The following AS3MT variants were observed in gnomAD, a reference collection of about 807,000 sequenced individuals.
The protein encoded by AS3MT is arsenite methyltransferase.
In AS3MT, 47 loss-of-function variants were observed where a neutral mutation model predicts 45.3. The observed-to-expected ratio is 1.04, with a 90% CI of 0.82 to 1.32. AS3MT has a LOEUF of 1.32. AS3MT is among the 40% of genes most tolerant of loss of function. The pLI, the probability that AS3MT is intolerant of heterozygous loss-of-function variation, is 0.00. For missense variants in AS3MT, 396 were observed against 451.1 expected (o/e 0.88, Z 1.11); for synonymous variants, 141 against 152.8 (o/e 0.92, Z 0.57).
chr10:102,888,452 G>C (rs1276765618), intron 9 of AS3MT, among the ~76,000 whole-genome samples: 1 of 150,454 alleles, frequency 6.6e-6, no homozygotes, highest in Non-Finnish European at 1.5e-5. Flanking sequence ...ATGGAGTTTT[G>C]CTTTTTTTGC....
At chr10:102,877,577 A>G (rs995802061) in intron 7 of AS3MT, among the ~76,000 whole-genome samples, 1 of 144,496 alleles carries the variant, frequency 6.9e-6, no homozygotes, top group African/African-American at 2.5e-5. Flanking sequence ...AAAAAAAAAA[A>G]GAAAAAATTA....
At chr10:102,896,295 T>C (rs1421974251) in intron 10 of AS3MT, among the ~76,000 whole-genome samples, 1 of 144,956 alleles carries the variant, frequency 6.9e-6, no homozygotes, top group African/African-American at 2.6e-5. Context: ...ATCACAACAC[T>C]GTACCCCAGC....
chr10:102,893,035 T>C (rs1321257961), intron 10 of AS3MT, among the ~76,000 whole-genome samples: 3 of 138,586 alleles, frequency 2.2e-5, no homozygotes, highest in Admixed American at 7.3e-5. Flanking sequence ...TAAATAATTT[T>C]AGAACAAATT....
At chr10:102,897,666 G>A (rs1033593695) in intron 10 of AS3MT, among the ~76,000 whole-genome samples, 45 of 152,082 alleles carry the variant, frequency 3.0e-4, no homozygotes, top group African/African-American at 9.6e-4. Context: ...GGGTTTCACC[G>A]GGTTGCCCAG....
At chr10:102,888,869 ATATATATATATATTTT>A (rs1845005692) in intron 9 of AS3MT, among the ~76,000 whole-genome samples, 2 of 88,630 alleles carry the variant, frequency 2.3e-5, no homozygotes, top group Non-Finnish European at 4.6e-5. Context: ...ATATATATAT[ATATATATATATATTTT>A]TTTTTTTTTT....
rs1326666544 is a variant in AS3MT at position 102,900,651 on chromosome 10, G to A, written c.1079G>A (p.Cys360Tyr). ...GAGTCTGACAGTATGAAGTCCAGAT[G>A]TGTCCCTGATGCTGCTGGAGGCTGC... ...AEESDSMKSR[C>Y]VPDAAGGCCG... The change falls in exon 11 of 11, where the codon TGT becomes TAT. Residue 360 changes from cysteine (C) to tyrosine (Y), a missense_variant. Cys to Tyr is a radical substitution (Grantham distance 194). Coordinates refer to ENST00000369880, the MANE Select transcript of AS3MT (RefSeq NM_020682.4). 3 of 1,614,060 alleles carry A rather than the reference G, an allele frequency of 1.9e-6. No individual in the cohort carries two copies. Among genetic ancestry groups the A allele is most frequent in the African/African-American group, 1.3e-5 (1 of 74,928 alleles).
intron 9 of AS3MT, among the ~76,000 whole-genome samples, chr10:102,882,618 C>T (rs1426233875): frequency 2.0e-5 from 3 of 152,016 alleles, no homozygotes; most frequent in Non-Finnish European, 1.5e-5. Context: ...GAGATGGAGT[C>T]TTGCTCTGTT....
chr10:102,879,121 A>G, intron 9 of AS3MT, 130 bp downstream of exon 9: 1 of 1,030,862 alleles, frequency 9.7e-7, no homozygotes, highest in Non-Finnish European at 1.4e-6. Flanking sequence ...GTTTAAATGT[A>G]TGTGTGTGTT....
chr10:102,878,790 G>A, intron 8 of AS3MT, 59 bp from the exon 9 acceptor site: 1 of 1,578,462 alleles, frequency 6.3e-7, no homozygotes, highest in Non-Finnish European at 8.6e-7. Context: ...CTTGTCTGCT[G>A]AGCAAGGCAA....
chr10:102,884,858 T>A (rs971468745), intron 9 of AS3MT, among the ~76,000 whole-genome samples: 2 of 152,194 alleles, frequency 1.3e-5, no homozygotes, highest in Non-Finnish European at 2.9e-5. Context: ...AACATTTTTT[T>A]AATGCATAAT....
chr10:102,870,908 CG>C (rs1844669251), intron 3 of AS3MT, among the ~76,000 whole-genome samples: 1 of 152,172 alleles, frequency 6.6e-6, no homozygotes, highest in Non-Finnish European at 1.5e-5. Context: ...CCGTAAATCA[CG>C]GGAAGTGTTT....
chr10:102,889,758 C>T (rs932796766), intron 9 of AS3MT, among the ~76,000 whole-genome samples: 1 of 151,710 alleles, frequency 6.6e-6, no homozygotes, highest in African/African-American at 2.4e-5. Flanking sequence ...TCACTACAAC[C>T]TCCGCCTCCT....
At position 102,872,436 on chromosome 10, in the gene AS3MT, T is replaced by C. The variant is rs371442321; in HGVS notation, c.171-12T>C. The stretch of plus-strand genomic sequence containing the variant: ...GTCTCCAGGGAAAAAATATGTGTTT[T>C]CCATTTCCCAGATATTATGGCTGTG... On this transcript the variant is annotated splice_polypyrimidine_tract_variant and intron_variant, in intron 3 of 10. Coordinates refer to ENST00000369880, the MANE Select transcript of AS3MT (RefSeq NM_020682.4). 3.1e-6 allele frequency: 5 copies of C among 1,613,140 alleles called. No homozygotes were observed. The African/African-American group carries it at 6.7e-5, about 22-fold the overall frequency.
intron 9 of AS3MT, among the ~76,000 whole-genome samples, chr10:102,883,570 G>A (rs1039489674): frequency 6.6e-6 from 1 of 151,830 alleles, no homozygotes; most frequent in Non-Finnish European, 1.5e-5. Flanking sequence ...AAAATTAGCC[G>A]GGCGTGGTGG....
chr10:102,891,165 CCA>C (rs1235392063), intron 10 of AS3MT, among the ~76,000 whole-genome samples: 2 of 152,314 alleles, frequency 1.3e-5, no homozygotes, highest in East Asian at 3.9e-4. Flanking sequence ...CTGCTGATCA[CCA>C]GTTTCAGGTG....
chr10:102,876,881 A>T (rs1281379893), intron 6 of AS3MT, 73 bp from the exon 7 acceptor site: 3 of 1,430,690 alleles, frequency 2.1e-6, no homozygotes, highest in Admixed American at 3.5e-5. Context: ...TTGTTCCCCT[A>T]TTCCTTTCTT....
At chr10:102,869,733 T>C in intron 1 of AS3MT, 72 bp from the exon 2 acceptor site, 1 of 1,610,804 alleles carries the variant, frequency 6.2e-7, no homozygotes. Context: ...CTGCCTGCCC[T>C]TTACTGGCCC....
chr10:102,891,522 C>T (rs1161156133), intron 10 of AS3MT, among the ~76,000 whole-genome samples: 1 of 152,150 alleles, frequency 6.6e-6, no homozygotes, highest in Non-Finnish European at 1.5e-5. Context: ...AGGTAAAGTT[C>T]CAGCAAAGCC....
At chr10:102,878,611 C>G (rs1280093390) in intron 8 of AS3MT, 101 bp downstream of exon 8, 3 of 1,470,950 alleles carry the variant, frequency 2.0e-6, no homozygotes, top group Non-Finnish European at 2.8e-6. Flanking sequence ...TTGAGGGATA[C>G]TTTCTGTTAT....
Sources: gnomAD v4.1 joint callset for allele counts (sites outside exome capture counted in the v4.1 genomes callset) on GRCh38, gnomAD v4.1.1 for gene constraint, MANE v1.5 for transcripts, NCBI Gene and HGNC (gene_info 2026-07-23, HGNC 2026-07-21) for gene names.